Variants in SEC31B observed in about 807,000 individuals in gnomAD.
SEC31B encodes SEC31 homolog B, COPII component, also known as protein transport protein Sec31B.
A neutral mutation model predicts 135.0 loss-of-function variants in SEC31B; 113 were observed. The ratio of observed to expected loss-of-function variants is 0.84; its 90% CI spans 0.72 to 0.98. The LOEUF is 0.98. Ranked by LOEUF, SEC31B falls within the 50% of genes least tolerant of loss-of-function variation. The pLI is 0.00. For missense variants in SEC31B, 1,296 were observed against 1,421.1 expected, an observed-to-expected ratio of 0.91 and a Z score of 1.42; for synonymous variants, 508 against 549.4, an observed-to-expected ratio of 0.92 and a Z score of 1.05.
At chr10:100,515,193 G>T (rs1193776732) in intron 3 of SEC31B, among the ~76,000 whole-genome samples, 2 of 152,128 alleles carry the variant, frequency 1.3e-5, no homozygotes, top group East Asian at 1.9e-4. Flanking sequence ...TCAGGGGGCT[G>T]AGGCGGGAGG....
rs890939911 is a variant in SEC31B, at chr10:100,489,757, A to C, written c.2970T>G (p.Pro990=). 8 of 1,613,942 alleles carry C rather than the reference A, an allele frequency of 5.0e-6. No individual in the cohort carries two copies. The African/African-American group carries it at 6.7e-5, about 13-fold the overall frequency. Residue 990 remains proline (P), a synonymous_variant, in exon 22 of 26, where the codon CCT becomes CCG. Coordinates refer to ENST00000370345, the MANE Select transcript of SEC31B (RefSeq NM_015490.4). ...CTGGGGCTTCTTTCCAGGAATCTTG[A>C]GGTCCTATAGAATAAAAAGATAGAG... ...TTGILTPHPG[P]QDSWKEAPAP...
chr10:100,509,071 G>A lies in SEC31B; in HGVS notation c.431C>T (p.Ser144Phe). Residue 144 changes from serine to phenylalanine, a missense_variant, in exon 5 of 26, where the codon TCT (serine) becomes TTT (phenylalanine). Transcript: ENST00000370345. ...ATTCAGATCCCAAATGAAGATTTCAGAATCGCTGGCCCCTGAAGCCAGGAG... is the reference window on the plus strand; with the variant it reads ...ATTCAGATCCCAAATGAAGATTTCAAAATCGCTGGCCCCTGAAGCCAGGAG... ...GNLLASGASD[S>F]EIFIWDLNNL... 1 of 1,614,190 alleles carries A rather than the reference G, an allele frequency of 6.2e-7. No homozygotes were observed. Among genetic ancestry groups the A allele is most frequent in the Non-Finnish European group, 8.5e-7 (1 of 1,180,038 alleles).
chr10:100,516,069 T>C, intron 3 of SEC31B, 27 bp downstream of exon 3: 3 of 1,613,636 alleles, frequency 1.9e-6, no homozygotes, highest in Non-Finnish European at 2.5e-6. Flanking sequence ...ATCTACCCTG[T>C]ATACCCATCA....
intron 14 of SEC31B, 119 bp from the exon 15 acceptor site, chr10:100,498,326 C>T: frequency 2.0e-6 from 2 of 994,364 alleles, no homozygotes; most frequent in South Asian, 1.6e-5. Context: ...TGGCTCCAAA[C>T]TAAATCCTCA....
chr10:100,505,891 G>A (rs1292474544), intron 9 of SEC31B, 149 bp downstream of exon 9: 10 of 1,507,556 alleles, frequency 6.6e-6, no homozygotes, highest in Non-Finnish European at 8.8e-6. Flanking sequence ...CTTTCAGGAA[G>A]ATGGGCACTA....
intron 7 of SEC31B, 60 bp from the exon 8 acceptor site, chr10:100,506,480 C>T: frequency 1.4e-6 from 2 of 1,463,280 alleles, no homozygotes; most frequent in East Asian, 2.3e-5. Flanking sequence ...AGTAGGGTGC[C>T]TTATATGTCT....
At chr10:100,514,140 G>A (rs917746718) in intron 3 of SEC31B, among the ~76,000 whole-genome samples, 5 of 152,096 alleles carry the variant, frequency 3.3e-5, no homozygotes, top group African/African-American at 9.6e-5. Context: ...AGCCAAGATC[G>A]AGCCACCACA....
intron 11 of SEC31B, among the ~76,000 whole-genome samples, chr10:100,500,986 C>T (rs1851510465): frequency 1.3e-5 from 2 of 151,394 alleles, no homozygotes; most frequent in Admixed American, 6.6e-5. Flanking sequence ...GTGGGTGGAT[C>T]ACCTGAGTTC....
At chr10:100,513,197 G>A (rs1429797283) in intron 3 of SEC31B, among the ~76,000 whole-genome samples, 1 of 152,188 alleles carries the variant, frequency 6.6e-6, no homozygotes, top group Non-Finnish European at 1.5e-5. Flanking sequence ...TAATCCCTTT[G>A]GGATTGAGGT....
rs1185720043 is a variant in SEC31B, at chr10:100,507,579, G to A, written c.640-12C>T. The A allele has an allele frequency of 6.2e-7, 1 of 1,614,086 alleles. No individual in the cohort carries two copies. The highest frequency in any genetic ancestry group is 1.3e-5 in the African/African-American group (1 of 75,050). On this transcript the variant is annotated splice_polypyrimidine_tract_variant and intron_variant, in intron 6 of 25. Coordinates refer to ENST00000370345, the MANE Select transcript of SEC31B (RefSeq NM_015490.4). ...CCTGAGCAGTGCATCTGTGAACAAA[G>A]CAGATCCCAATGGGTGCTGTAACCT...
At chr10:100,515,916 G>A (rs72838543) in intron 3 of SEC31B, among the ~76,000 whole-genome samples, 180 bp downstream of exon 3, 2 of 151,688 alleles carry the variant, frequency 1.3e-5, no homozygotes, top group African/African-American at 4.8e-5. Flanking sequence ...GACTGGAAAG[G>A]GGGGGGGTGG....
chr10:100,498,779 G>A lies in SEC31B; in HGVS notation c.1610C>T (p.Ala537Val). The change falls in exon 14 of 26, where the codon GCC (alanine) becomes GTC (valine). Residue 537 changes from alanine to valine, a missense_variant. Coordinates refer to ENST00000370345, the MANE Select transcript of SEC31B (RefSeq NM_015490.4). ...ATCAAAGAAGGCTGAGGAAGCAGAG[G>A]CTTCCTTTGTGGTGTGTTTGGAGGC... is the stretch of plus-strand genomic sequence containing the variant. ...SQASKHTTKE[A>V]SASSAFFDEL... The A allele has an allele frequency of 6.2e-7, 1 of 1,613,866 alleles. No individual in the cohort carries two copies. The highest frequency in any genetic ancestry group is 8.5e-7 in the Non-Finnish European group (1 of 1,179,844).
At chr10:100,488,752 CA>C (rs1191854458) in intron 24 of SEC31B, 105 bp downstream of exon 24, 3 of 1,397,788 alleles carry the variant, frequency 2.1e-6, no homozygotes, top group South Asian at 3.1e-5. Context: ...ACAGCATGTC[CA>C]GGGGCAGTGA....
chr10:100,508,894 T>C lies in SEC31B; in HGVS notation c.495+113A>G, dbSNP rs1851683887. 5.1e-6 allele frequency: 4 copies of C among 787,912 alleles called. No homozygotes were observed. In the African/African-American group the frequency reaches 5.2e-5, roughly 10 times the overall value. The allele number at this position is 787,912 out of a possible 1,614,324, so 48.8% of individuals were successfully genotyped here. ...GTTAGTCTGTGGAGCTTTATTGCCC[T>C]CCAGTGGTAAAGTTTGATATCTCTT... On this transcript the variant is annotated intron_variant, in intron 5 of 25. Coordinates refer to ENST00000370345, the MANE Select transcript of SEC31B (RefSeq NM_015490.4).
intron 14 of SEC31B, 119 bp downstream of exon 14, chr10:100,498,586 T>C (rs1405180935): frequency 9.8e-6 from 7 of 711,140 alleles, no homozygotes; most frequent in Non-Finnish European, 2.4e-6. Flanking sequence ...CACTCAGCAT[T>C]TGAGACGGTG....
At chr10:100,489,950 G>A (rs1415603648) in intron 21 of SEC31B, 58 bp downstream of exon 21, 1 of 1,533,010 alleles carries the variant, frequency 6.5e-7, no homozygotes, top group South Asian at 1.3e-5. Context: ...TCCCAAAGTA[G>A]TGAGAGGAGC....
Position 100,506,049 on chromosome 10 carries a change from C to A in SEC31B, c.1035G>T (p.Gln345His). 2 of 1,613,860 alleles carry A rather than the reference C, an allele frequency of 1.2e-6. No individual in the cohort carries two copies. Among genetic ancestry groups the A allele is most frequent in the Admixed American group, 1.7e-5 (1 of 60,032 alleles). ...ACCAAGCCCTTCAAACCTTGTCAGC[C>A]TGTCTCATATGCTGGACTTCCCAGC... ...GRSWEVQHMRQADKISSSFSK... is the reference protein window; with the variant it reads ...GRSWEVQHMRHADKISSSFSK... Residue 345 changes from glutamine to histidine, a missense_variant, in exon 9 of 26, where the codon CAG becomes CAT. Physicochemically the swap from Gln to His is conservative, Grantham distance 24. Transcript: ENST00000370345.
chr10:100,507,804 C>A, intron 6 of SEC31B, 104 bp downstream of exon 6: 1 of 1,506,718 alleles, frequency 6.6e-7, no homozygotes, highest in East Asian at 2.3e-5. Flanking sequence ...TCCACATGTC[C>A]GACAGCTGAA....
At chr10:100,516,362 C>T (rs1851845111) in intron 2 of SEC31B, 143 bp from the exon 3 acceptor site, 4 of 1,054,002 alleles carry the variant, frequency 3.8e-6, no homozygotes, top group South Asian at 1.7e-5. Flanking sequence ...AGCAAGAAAA[C>T]GTTGGCTGGG....
Sources: allele counts gnomAD v4.1 joint callset (sites outside exome capture counted in the v4.1 genomes callset), GRCh38; gene constraint gnomAD v4.1.1; transcripts MANE v1.5; gene names NCBI Gene and HGNC (gene_info 2026-07-23, HGNC 2026-07-21).